RBM20: variants seen among roughly 807,000 people sequenced by gnomAD.
RBM20 encodes RNA-binding protein 20.
A neutral mutation model predicts 110.1 loss-of-function variants in RBM20; 51 were observed. The ratio of observed to expected loss-of-function variants is 0.46; its 90% CI spans 0.37 to 0.59. RBM20 has a LOEUF of 0.59. RBM20 is among the 20% of genes least tolerant of loss of function. The probability of loss-of-function intolerance (pLI) is 0.00; values close to 1 mark genes in which losing one functional copy is unlikely to be tolerated. For missense variants in RBM20, 1,512 were observed against 1,574.9 expected, an observed-to-expected ratio of 0.96 and a Z score of 0.68; for synonymous variants, 589 against 618.2, an observed-to-expected ratio of 0.95 and a Z score of 0.70.
intron 1 of RBM20, 138 bp from the exon 2 acceptor site, chr10:110,780,663 T>C: frequency 1.0e-6 from 1 of 955,984 alleles, no homozygotes; most frequent in Non-Finnish European, 1.5e-6. Flanking sequence ...GCACAGGTTT[T>C]TGCAGATTCA....
At position 110,683,655 on chromosome 10, in the gene RBM20, T is replaced by C. The variant is rs1459377431; in HGVS notation, c.191+39010T>C. On this transcript the variant is annotated intron_variant, in intron 1 of 13. Transcript: ENST00000369519. ...TTTCTAGATTAAATTAAAATGTCAGTCTAAATGATTTTGCCTCAATTGGAG... is the reference window on the plus strand; with the variant it reads ...TTTCTAGATTAAATTAAAATGTCAGCCTAAATGATTTTGCCTCAATTGGAG... Among the ~76,000 whole-genome samples the C allele has an allele frequency of 2.6e-5, 4 of 152,244 alleles. No individual in the cohort carries two copies. In the East Asian group the frequency reaches 7.7e-4, roughly 29 times the overall value.
chr10:110,680,410 C>T (rs563792493), intron 1 of RBM20, among the ~76,000 whole-genome samples: 1 of 152,272 alleles, frequency 6.6e-6, no homozygotes, highest in Non-Finnish European at 1.5e-5. Flanking sequence ...GCCTGGTTTC[C>T]CCCATCTCAG....
chr10:110,823,115 A>C (rs1844935423), intron 11 of RBM20, among the ~76,000 whole-genome samples: 1 of 151,732 alleles, frequency 6.6e-6, no homozygotes, highest in Non-Finnish European at 1.5e-5. Context: ...GGACGTCAGC[A>C]CAATTTTTGC....
At chr10:110,773,497 C>CA (rs922125840) in intron 1 of RBM20, among the ~76,000 whole-genome samples, 22 of 151,212 alleles carry the variant, frequency 1.5e-4, no homozygotes, top group Admixed American at 7.9e-4. Context: ...TTAAAATTTT[C>CA]AAAAAAAACC....
intron 1 of RBM20, among the ~76,000 whole-genome samples, chr10:110,774,375 C>T (rs1446844549): frequency 1.3e-5 from 2 of 152,154 alleles, no homozygotes; most frequent in East Asian, 1.9e-4. Context: ...CAGCATTGAC[C>T]CAGTAGTCTC....
At chr10:110,727,498 G>T (rs1843576644) in intron 1 of RBM20, among the ~76,000 whole-genome samples, 1 of 151,454 alleles carries the variant, frequency 6.6e-6, no homozygotes, top group African/African-American at 2.4e-5. Context: ...TATGTAGTTG[G>T]GTTGACTTTT....
intron 1 of RBM20, among the ~76,000 whole-genome samples, chr10:110,688,930 T>G (rs1279627134): frequency 7.1e-6 from 1 of 141,618 alleles, no homozygotes; most frequent in Non-Finnish European, 1.5e-5. Flanking sequence ...GTCTTTCCTG[T>G]TTTTTTTTTT....
At chr10:110,762,619 G>A (rs1185210037) in intron 1 of RBM20, among the ~76,000 whole-genome samples, 2 of 152,166 alleles carry the variant, frequency 1.3e-5, no homozygotes, top group Non-Finnish European at 2.9e-5. Context: ...ACACAGCTCC[G>A]GCTGTACCAG....
intron 1 of RBM20, 110 bp from the exon 2 acceptor site, chr10:110,780,691 T>C: frequency 8.1e-7 from 1 of 1,237,590 alleles, no homozygotes; most frequent in Non-Finnish European, 1.1e-6. Context: ...GTGGGACCAG[T>C]GTGGGAAGGT....
chr10:110,715,879 T>C (rs1470862370), intron 1 of RBM20, among the ~76,000 whole-genome samples: 1 of 152,130 alleles, frequency 6.6e-6, no homozygotes, highest in African/African-American at 2.4e-5. Flanking sequence ...TGGCCATAAC[T>C]AATCACATGG....
At chr10:110,690,379 T>A (rs1172981078) in intron 1 of RBM20, among the ~76,000 whole-genome samples, 1 of 152,022 alleles carries the variant, frequency 6.6e-6, no homozygotes, top group Non-Finnish European at 1.5e-5. Context: ...GCATTCCAGG[T>A]TGTGCAATAG....
chr10:110,775,153 C>A (rs1165079252), intron 1 of RBM20, among the ~76,000 whole-genome samples: 1 of 152,188 alleles, frequency 6.6e-6, no homozygotes, highest in Non-Finnish European at 1.5e-5. Flanking sequence ...TGACCTTCAG[C>A]GTTGCATTTA....
chr10:110,760,498 TCTCAG>T (rs1843984245), intron 1 of RBM20, among the ~76,000 whole-genome samples: 6 of 42,116 alleles, frequency 1.4e-4, no homozygotes, highest in African/African-American at 4.4e-4. Context: ...AGTGGCGTGA[TCTCAG>T]GATCTCAGCT....
At chr10:110,767,584 C>T (rs1590665113) in intron 1 of RBM20, among the ~76,000 whole-genome samples, 1 of 148,958 alleles carries the variant, frequency 6.7e-6, no homozygotes, top group African/African-American at 2.5e-5. Context: ...GGGCGGTTGC[C>T]AGACGGAGGG....
At chr10:110,650,731 T>C (rs1861934556) in intron 1 of RBM20, among the ~76,000 whole-genome samples, 1 of 152,222 alleles carries the variant, frequency 6.6e-6, no homozygotes, top group Admixed American at 6.5e-5. Flanking sequence ...TGTCTGGACA[T>C]CTTAAATACT....
chr10:110,648,838 T>C (rs1861905737), intron 1 of RBM20, among the ~76,000 whole-genome samples: 1 of 152,202 alleles, frequency 6.6e-6, no homozygotes, highest in East Asian at 1.9e-4. Flanking sequence ...TTTTAGATAG[T>C]ATGTATAATC....
rs1043414715 is a variant in RBM20, at chr10:110,823,558, T to G, written c.3395T>G (p.Leu1132Arg). ...EYTEVELKQP[L>R]SLPSWEPEDV... ...ACTGAAGTGGAACTGAAACAGCCCC[T>G]TTCTTTGCCCTCTTGGGAACCAGAG... Residue 1132 changes from leucine to arginine, a missense_variant, in exon 12 of 14, where the codon CTT becomes CGT. Leu to Arg is a moderately radical substitution (Grantham distance 102, BLOSUM62 -2). Transcript: ENST00000369519. 1 of 1,550,250 alleles carries G rather than the reference T, an allele frequency of 6.5e-7. No homozygotes were observed. Among genetic ancestry groups the G allele is most frequent in the African/African-American group, 1.4e-5 (1 of 72,500 alleles).
rs982044109 is a variant in RBM20, at chr10:110,660,595, T to C, written c.191+15950T>C. ...GATCAGTGGTGGCATTAGATTCTCATAGGAGGGCAAATCCTATTGTGAACT... is the reference window on the plus strand; with the variant it reads ...GATCAGTGGTGGCATTAGATTCTCACAGGAGGGCAAATCCTATTGTGAACT... On this transcript the variant is annotated intron_variant, in intron 1 of 13. Coordinates refer to ENST00000369519, the MANE Select transcript of RBM20 (RefSeq NM_001134363.3). Among the ~76,000 whole-genome samples the C allele has an allele frequency of 2.6e-5, 4 of 152,236 alleles. No homozygotes were observed. The South Asian group carries it at 8.3e-4, about 32-fold the overall frequency.
Position 110,660,246 on chromosome 10 carries a change from G to A in RBM20, c.191+15601G>A, listed in dbSNP as rs1862082900. Among the ~76,000 whole-genome samples the A allele has an allele frequency of 2.0e-5, 3 of 151,788 alleles. No individual in the cohort carries two copies. The South Asian group carries it at 6.2e-4, about 32-fold the overall frequency. Reference sequence around the variant, plus strand: ...TAATAATGACAGTCGACTTGTGGCAGCTTAAAAAAAAAAGAAGCTGCCTGG... The same window carrying A: ...TAATAATGACAGTCGACTTGTGGCAACTTAAAAAAAAAAGAAGCTGCCTGG... On this transcript the variant is annotated intron_variant, in intron 1 of 13. Transcript: ENST00000369519.
Sources: gnomAD v4.1 joint callset for allele counts (sites outside exome capture counted in the v4.1 genomes callset) on GRCh38, gnomAD v4.1.1 for gene constraint, MANE v1.5 for transcripts, NCBI Gene and HGNC (gene_info 2026-07-23, HGNC 2026-07-21) for gene names.